Variants in RFX7 observed in about 807,000 individuals in gnomAD.
RFX7 encodes DNA-binding protein RFX7.
RFX7 carries 26 observed loss-of-function variants against 111.8 expected under a neutral mutation model. The ratio of observed to expected loss-of-function variants is 0.23; its 90% CI spans 0.17 to 0.32. The LOEUF is 0.32. Ranked by LOEUF, RFX7 falls within the 10% of genes least tolerant of loss-of-function variation. RFX7 has a pLI of 1.00. For missense variants in RFX7, 1,573 were observed against 1,772.9 expected (o/e 0.89, Z 2.02); for synonymous variants, 624 against 624.4 (o/e 1.00, Z 0.01).
At chr15:56,200,459 C>T (rs1314633301) in intron 2 of RFX7, among the ~76,000 whole-genome samples, 8 of 152,102 alleles carry the variant, frequency 5.3e-5, no homozygotes, top group African/African-American at 1.9e-4. Flanking sequence ...AACTCTTCTT[C>T]TCCTACTGCA....
chr15:56,227,657 A>C (rs889743215), intron 2 of RFX7, among the ~76,000 whole-genome samples: 6 of 152,170 alleles, frequency 3.9e-5, no homozygotes, highest in Non-Finnish European at 5.9e-5. Flanking sequence ...CCTTCATCCC[A>C]GCAGTGAATG....
chr15:56,096,129 A>G lies in RFX7; in HGVS notation c.1599T>C (p.Ser533=). Residue 533 remains serine (S), a synonymous_variant, in exon 10 of 10, where the codon TCT becomes TCC. Coordinates refer to ENST00000559447, the MANE Select transcript of RFX7 (RefSeq NM_022841.7). ...GSRSSSAGGT[S]AVEVKVEPET... ...CGGGTTCCACTTTGACTTCCACAGC[A>G]GATGTTCCCCCCGCACTGCTGCTCC... 1 of 1,613,842 alleles carries G rather than the reference A, an allele frequency of 6.2e-7. No homozygotes were observed. The highest frequency in any genetic ancestry group is 8.5e-7 in the Non-Finnish European group (1 of 1,179,826).
intron 2 of RFX7, among the ~76,000 whole-genome samples, chr15:56,210,232 G>C (rs1267724968): frequency 6.6e-6 from 1 of 152,062 alleles, no homozygotes; most frequent in Non-Finnish European, 1.5e-5. Context: ...GCATTACATA[G>C]TGATAAATAG....
intron 3 of RFX7, among the ~76,000 whole-genome samples, chr15:56,169,819 A>G (rs1231638941): frequency 6.8e-6 from 1 of 146,662 alleles, no homozygotes; most frequent in East Asian, 2.1e-4. Context: ...TGGGGATGAG[A>G]GTGGGGTGGA....
At position 56,243,844 on chromosome 15, in the gene RFX7, C is replaced by T. The variant is rs1329842423; in HGVS notation, c.-402G>A. Among the ~76,000 whole-genome samples, 6 of 147,414 alleles carry T rather than the reference C, an allele frequency of 4.1e-5. No homozygotes were observed. Among genetic ancestry groups the T allele is most frequent in the African/African-American group, 1.5e-4 (6 of 40,968 alleles). ...CCGCCGCCGCCGCGGCCGCCGCTGC[C>T]CTGCCAGCCCCGGAGGCAGCCCAGT... On this transcript the variant is annotated 5_prime_UTR_variant, in exon 1 of 10. Coordinates refer to ENST00000559447, the MANE Select transcript of RFX7 (RefSeq NM_022841.7).
chr15:56,243,181 G>T lies in RFX7; in HGVS notation c.105C>A (p.Pro35=). 1 of 1,354,082 alleles carries T rather than the reference G, an allele frequency of 7.4e-7. No individual in the cohort carries two copies. Among genetic ancestry groups the T allele is most frequent in the South Asian group, 1.2e-5 (1 of 85,382 alleles). The allele number at this position is 1,354,082 out of a possible 1,614,324, so 83.9% of individuals were successfully genotyped here. Residue 35 remains proline (P), a synonymous_variant, in exon 2 of 10, where the codon CCC becomes CCA. Coordinates refer to ENST00000559447, the MANE Select transcript of RFX7 (RefSeq NM_022841.7). The part of the protein sequence containing the change: ...NSGVALPALV[P]GLPGTEASAL... ...CGCTGGCCTCTGTCCCTGGCAGCCCGGGCACAAGGGCTGGCAGGGCCACCC... is the reference window on the plus strand; with the variant it reads ...CGCTGGCCTCTGTCCCTGGCAGCCCTGGCACAAGGGCTGGCAGGGCCACCC...
intron 5 of RFX7, among the ~76,000 whole-genome samples, chr15:56,140,191 T>A (rs62044107): frequency 0.29 from 43,761 of 152,000 alleles, 7,280 homozygotes; most frequent in Middle Eastern, 0.44. Flanking sequence ...AAGCCTGGGC[T>A]ATGGCGGGCG....
chr15:56,151,558 A>C (rs1449674678), intron 3 of RFX7, among the ~76,000 whole-genome samples: 2 of 152,222 alleles, frequency 1.3e-5, no homozygotes, highest in African/African-American at 4.8e-5. Context: ...TCCTGAAAGA[A>C]GCACTAAACA....
chr15:56,120,607 A>G (rs963659641), intron 5 of RFX7, among the ~76,000 whole-genome samples: 1 of 152,168 alleles, frequency 6.6e-6, no homozygotes, highest in African/African-American at 2.4e-5. Flanking sequence ...CTCTTTCAGT[A>G]TGATACTAGC....
intron 5 of RFX7, among the ~76,000 whole-genome samples, chr15:56,111,373 T>C (rs2041928524): frequency 6.6e-6 from 1 of 152,056 alleles, no homozygotes; most frequent in East Asian, 1.9e-4. Context: ...CTCTGAAACA[T>C]GTGCTGTGTC....
chr15:56,234,281 T>C (rs2043599148), intron 2 of RFX7, among the ~76,000 whole-genome samples: 1 of 152,238 alleles, frequency 6.6e-6, no homozygotes, highest in South Asian at 2.1e-4. Context: ...GAATGTCTTA[T>C]ACTTTTTTAA....
rs143661940 is a variant in RFX7 at position 56,122,022 on chromosome 15, C to T, written c.402-18352G>A. Among the ~76,000 whole-genome samples the T allele has an allele frequency of 1.1e-3, 171 of 152,138 alleles. 1 individual carries two copies. Among genetic ancestry groups the T allele is most frequent in the African/African-American group, 3.8e-3 (156 of 41,502 alleles). On this transcript the variant is annotated intron_variant, in intron 5 of 9. Transcript: ENST00000559447. ...GTCTCTCCAGGATTGGTCCCTGGTG[C>T]CTTATTTAGTTCGTTTGGTGAGGTC...
intron 2 of RFX7, among the ~76,000 whole-genome samples, chr15:56,229,062 G>T (rs2043518620): frequency 6.6e-6 from 1 of 152,176 alleles, no homozygotes; most frequent in African/African-American, 2.4e-5. Flanking sequence ...GGATGGAGCA[G>T]GATGGCACAA....
chr15:56,170,588 T>C (rs1446449764), intron 3 of RFX7, among the ~76,000 whole-genome samples: 6 of 152,154 alleles, frequency 3.9e-5, no homozygotes, highest in East Asian at 1.9e-4. Context: ...TTGCCTCTGG[T>C]TGAGAAGCAC....
At position 56,102,669 on chromosome 15, in the gene RFX7, G is replaced by C. The variant is rs143848896; in HGVS notation, c.519-416C>G. On this transcript the variant is annotated intron_variant, in intron 6 of 9. Transcript: ENST00000559447. ...GTGTCACAAGGGCTTTAACCTTTTC[G>C]TTTCTCTTTTTCCACTGAAACATAC... is the stretch of plus-strand genomic sequence containing the variant. 1.7e-3 allele frequency among the ~76,000 whole-genome samples: 252 copies of C among 152,236 alleles called. 2 individuals are homozygous for C. The highest frequency in any genetic ancestry group is 5.8e-3 in the African/African-American group (242 of 41,544).
chr15:56,101,264 G>T, intron 8 of RFX7, 95 bp downstream of exon 8: 1 of 1,035,124 alleles, frequency 9.7e-7, no homozygotes, highest in Non-Finnish European at 1.4e-6. Flanking sequence ...AGTACTAAAA[G>T]GATGAAGTTC....
At chr15:56,111,498 A>T (rs1269571369) in intron 5 of RFX7, among the ~76,000 whole-genome samples, 1 of 151,506 alleles carries the variant, frequency 6.6e-6, no homozygotes, top group African/African-American at 2.4e-5. Flanking sequence ...GTACCCAGGG[A>T]CACAAACACT....
chr15:56,095,999 CGTCT>C lies in RFX7; in HGVS notation c.1725_1728del (p.Asp576GlufsTer14). The C allele has an allele frequency of 6.2e-7, 1 of 1,612,456 alleles. No individual in the cohort carries two copies. Among genetic ancestry groups the C allele is most frequent in the Non-Finnish European group, 8.5e-7 (1 of 1,179,420 alleles). On this transcript the variant is annotated frameshift_variant, in exon 10 of 10. Transcript: ENST00000559447. LOFTEE classifies it high-confidence loss of function. Reference sequence around the variant, plus strand: ...TCATTTGAAGGTTTCTGCAGTGCTCCGTCTGTATTACTTTTCTGCCCCAAAAGGG... The same window carrying C: ...TCATTTGAAGGTTTCTGCAGTGCTCCGTATTACTTTTCTGCCCCAAAAGGG...
intron 5 of RFX7, among the ~76,000 whole-genome samples, chr15:56,140,151 G>C (rs1438134085): frequency 6.6e-6 from 1 of 152,214 alleles, no homozygotes; most frequent in Admixed American, 6.5e-5. Flanking sequence ...CGCCCAGTTG[G>C]AGCTTCCTGG....
Sources: allele counts gnomAD v4.1 joint callset (sites outside exome capture counted in the v4.1 genomes callset), GRCh38; gene constraint gnomAD v4.1.1; transcripts MANE v1.5; gene names NCBI Gene and HGNC (gene_info 2026-07-23, HGNC 2026-07-21).